TRIP4: variants seen among roughly 807,000 people sequenced by gnomAD.
The protein encoded by TRIP4 is thyroid hormone receptor interactor 4.
In TRIP4, 54 loss-of-function variants were observed where a neutral mutation model predicts 81.8. The ratio of observed to expected loss-of-function variants is 0.66; its 90% confidence interval spans 0.53 to 0.83. The LOEUF (loss-of-function observed/expected upper bound fraction) is 0.83. Ranked by LOEUF, TRIP4 falls within the 40% of genes least tolerant of loss-of-function variation. The probability of loss-of-function intolerance (pLI) is 0.00; values close to 1 mark genes in which losing one functional copy is unlikely to be tolerated. For missense variants in TRIP4, 662 were observed against 683.6 expected (o/e 0.97, Z 0.35); for synonymous variants, 270 against 242.8 (o/e 1.11, Z -1.04).
At chr15:64,407,258 G>A (rs539030135) in intron 6 of TRIP4, among the ~76,000 whole-genome samples, 1 of 152,128 alleles carries the variant, frequency 6.6e-6, no homozygotes, top group East Asian at 1.9e-4. Flanking sequence ...GAATACATGA[G>A]ATAAGATTTA....
chr15:64,451,235 C>G (rs1892750489), intron 12 of TRIP4, among the ~76,000 whole-genome samples: 1 of 151,948 alleles, frequency 6.6e-6, no homozygotes, highest in Admixed American at 6.6e-5. Flanking sequence ...GCCTCAGCCT[C>G]CCGAGTAGCT....
At chr15:64,406,737 A>C (rs1172684244) in intron 6 of TRIP4, among the ~76,000 whole-genome samples, 1 of 152,182 alleles carries the variant, frequency 6.6e-6, no homozygotes, top group Non-Finnish European at 1.5e-5. Context: ...AGAATTCACC[A>C]CTTGTTTTAC....
intron 1 of TRIP4, among the ~76,000 whole-genome samples, chr15:64,390,698 C>T (rs1173258806): frequency 6.6e-6 from 1 of 151,926 alleles, no homozygotes; most frequent in Non-Finnish European, 1.5e-5. Flanking sequence ...CGAGACCAGC[C>T]TGGCCAACAT....
intron 9 of TRIP4, among the ~76,000 whole-genome samples, chr15:64,422,318 T>C (rs1270245571): frequency 6.6e-6 from 1 of 152,232 alleles, no homozygotes; most frequent in Admixed American, 6.5e-5. Context: ...CTTTCCCCTC[T>C]ACTGTTCAGG....
intron 12 of TRIP4, among the ~76,000 whole-genome samples, chr15:64,447,138 A>C (rs1043868582): frequency 1.3e-5 from 2 of 151,988 alleles, no homozygotes; most frequent in East Asian, 1.9e-4. Context: ...AACAAACAAA[A>C]AAAACACACA....
chr15:64,427,562 G>A (rs570530011), intron 11 of TRIP4, among the ~76,000 whole-genome samples: 16 of 152,046 alleles, frequency 1.1e-4, no homozygotes, highest in Non-Finnish European at 2.1e-4. Flanking sequence ...TTTTAGTAGA[G>A]ACAAGATTTC....
chr15:64,404,933 AC>A (rs1208607002), intron 5 of TRIP4, among the ~76,000 whole-genome samples: 1 of 151,548 alleles, frequency 6.6e-6, no homozygotes, highest in Non-Finnish European at 1.5e-5. Context: ...TGATCCTCCC[AC>A]CTCAGCCTCC....
chr15:64,407,517 A>G (rs1214699150), intron 6 of TRIP4, among the ~76,000 whole-genome samples: 2 of 152,024 alleles, frequency 1.3e-5, no homozygotes, highest in Non-Finnish European at 2.9e-5. Flanking sequence ...ATACAAAAAA[A>G]TTAGCCAAGC....
intron 10 of TRIP4, among the ~76,000 whole-genome samples, chr15:64,424,901 G>T (rs554950774): frequency 6.6e-6 from 1 of 152,036 alleles, no homozygotes; most frequent in Non-Finnish European, 1.5e-5. Flanking sequence ...TCAGCCTTCC[G>T]AGTAGCTGGG....
At chr15:64,391,756 G>A (rs1271922243) in intron 1 of TRIP4, among the ~76,000 whole-genome samples, 1 of 151,554 alleles carries the variant, frequency 6.6e-6, no homozygotes, top group African/African-American at 2.4e-5. Flanking sequence ...GATCACTTGA[G>A]GTCAGGAGTT....
intron 1 of TRIP4, among the ~76,000 whole-genome samples, chr15:64,391,975 A>C (rs1900146256): frequency 7.2e-6 from 1 of 138,660 alleles, no homozygotes; most frequent in Non-Finnish European, 1.6e-5. Flanking sequence ...TGTCTCAAAA[A>C]AAAAAAAAAA....
chr15:64,395,548 T>C lies in TRIP4; in HGVS notation c.405+17T>C. 1 of 1,594,416 alleles carries C rather than the reference T, an allele frequency of 6.3e-7. No homozygotes were observed. The highest frequency in any genetic ancestry group is 8.6e-7 in the Non-Finnish European group (1 of 1,169,536). On this transcript the variant is annotated intron_variant, in intron 3 of 12. Transcript: ENST00000261884. Reference sequence around the variant, plus strand: ...TTGGCCAAGGTGAGTGCTTATAGATTGAAGCTTTTTCTGACTATTGGAGAA... The same window carrying C: ...TTGGCCAAGGTGAGTGCTTATAGATCGAAGCTTTTTCTGACTATTGGAGAA...
At chr15:64,416,266 T>C (rs1319658399) in intron 8 of TRIP4, among the ~76,000 whole-genome samples, 1 of 151,956 alleles carries the variant, frequency 6.6e-6, no homozygotes, top group African/African-American at 2.4e-5. Context: ...AGACTAAAAA[T>C]GTAGATGAAG....
At chr15:64,397,952 G>A in intron 4 of TRIP4, 134 bp downstream of exon 4, 1 of 961,700 alleles carries the variant, frequency 1.0e-6, no homozygotes, top group South Asian at 1.8e-5. Context: ...CCAGGCTGGA[G>A]TGCAGTGGCA....
chr15:64,445,142 A>C, intron 12 of TRIP4, 34 bp downstream of exon 12: 1 of 1,196,118 alleles, frequency 8.4e-7, no homozygotes, highest in Non-Finnish European at 1.2e-6. Context: ...AAGACTAGTC[A>C]AGTGCAGTAG....
At chr15:64,411,637 CA>C (rs903555178) in intron 7 of TRIP4, among the ~76,000 whole-genome samples, 55 of 150,956 alleles carry the variant, frequency 3.6e-4, no homozygotes, top group African/African-American at 1.3e-3. Context: ...AATACATAAA[CA>C]AAAAAGTTAC....
In TRIP4 at chr15:64,397,753, C is replaced by G. The variant is rs766240932; in HGVS notation, c.553C>G (p.Leu185Val). 8.7e-6 allele frequency: 14 copies of G among 1,614,252 alleles called. No homozygotes were observed. Among genetic ancestry groups the G allele is most frequent in the Non-Finnish European group, 1.1e-5 (13 of 1,180,044 alleles). The change falls in exon 4 of 13, where the codon CTG (leucine) becomes GTG (valine). Residue 185 changes from leucine to valine, a missense_variant. Physicochemically the swap from Leu to Val is conservative, Grantham distance 32. Coordinates refer to ENST00000261884, the MANE Select transcript of TRIP4 (RefSeq NM_016213.5). Reference sequence around the variant, plus strand: ...GAAGCACAAGCTCATCAATAACTGTCTGATCTGTGGGCGCATTGTCTGTGA... The same window carrying G: ...GAAGCACAAGCTCATCAATAACTGTGTGATCTGTGGGCGCATTGTCTGTGA... Reference protein sequence around the residue: ...GQKHKLINNCLICGRIVCEQE... With the variant: ...GQKHKLINNCVICGRIVCEQE...
intron 12 of TRIP4, among the ~76,000 whole-genome samples, chr15:64,448,480 T>C (rs1479198163): frequency 6.6e-6 from 1 of 152,192 alleles, no homozygotes; most frequent in Non-Finnish European, 1.5e-5. Flanking sequence ...AAATTTTATT[T>C]TGAGATGGGG....
Position 64,425,550 on chromosome 15 carries a change from T to C in TRIP4, c.1494T>C (p.Phe498=). 1 of 1,608,552 alleles carries C rather than the reference T, an allele frequency of 6.2e-7. No homozygotes were observed. Among genetic ancestry groups the C allele is most frequent in the Non-Finnish European group, 8.5e-7 (1 of 1,178,530 alleles). ...YRLLRGKDVE[F]PNDYPSGCLL... is the part of the protein sequence containing the mutation. The stretch of plus-strand genomic sequence containing the variant: ...TTATTCCTGATTCAGATGTGGAATT[T>C]CCTAATGACTATCCGTCAGGTTGTC... The change falls in exon 11 of 13, where the codon TTT becomes TTC. Residue 498 remains phenylalanine (F), a synonymous_variant. Coordinates refer to ENST00000261884, the MANE Select transcript of TRIP4 (RefSeq NM_016213.5).
Sources: allele counts gnomAD v4.1 joint callset (sites outside exome capture counted in the v4.1 genomes callset), GRCh38; gene constraint gnomAD v4.1.1; transcripts MANE v1.5; gene names NCBI Gene and HGNC (gene_info 2026-07-23, HGNC 2026-07-21).